Variants in CATSPERE observed in about 807,000 individuals in gnomAD.
The protein encoded by CATSPERE is catsper channel auxiliary subunit epsilon.
In CATSPERE, 93 loss-of-function variants were observed where a neutral mutation model predicts 114.1. The ratio of observed to expected loss-of-function variants is 0.81; its 90% CI spans 0.69 to 0.97. The LOEUF is 0.97. Ranked by LOEUF, CATSPERE falls within the 50% of genes least tolerant of loss-of-function variation. The probability of loss-of-function intolerance (pLI) is 0.00; values close to 1 mark genes in which losing one functional copy is unlikely to be tolerated. For missense variants in CATSPERE, 1,058 were observed against 1,131.6 expected, an observed-to-expected ratio of 0.93 and a Z score of 0.93; for synonymous variants, 341 against 384.1, an observed-to-expected ratio of 0.89 and a Z score of 1.31.
intron 9 of CATSPERE, among the ~76,000 whole-genome samples, chr1:244,559,522 G>A (rs562642065): frequency 6.6e-6 from 1 of 152,286 alleles, no homozygotes; most frequent in South Asian, 2.1e-4. Context: ...AGGAGGCAGA[G>A]GAGAAGGGAG....
chr1:244,557,561 AT>A (rs1163331708), intron 9 of CATSPERE, among the ~76,000 whole-genome samples: 21 of 81,650 alleles, frequency 2.6e-4, no homozygotes, highest in Non-Finnish European at 4.6e-4. Context: ...ATATATATAT[AT>A]ATATATATAT....
chr1:244,458,646 A>G (rs1226505528), upstream of CATSPERE, among the ~76,000 whole-genome samples: 1 of 152,240 alleles, frequency 6.6e-6, no homozygotes, highest in Admixed American at 6.5e-5. Context: ...AGCTTCTAAC[A>G]AGTGAGTAAA....
rs377459062 is a variant in CATSPERE at position 244,572,754 on chromosome 1, A to G, written c.1932A>G (p.Gly644=). The part of the protein sequence containing the change: ...SHEISFEAAF[G]YCTKTLTLTF... ...AGATTTCCTTTGAAGCTGCCTTTGG[A>G]TACTGCACCAAAACTCTGGTAAGCT... Residue 644 remains glycine (G), a synonymous_variant, in exon 11 of 22, where the codon GGA becomes GGG. Transcript: ENST00000366534. The G allele has an allele frequency of 1.0e-5, 16 of 1,590,856 alleles. No homozygotes were observed. The African/African-American group carries it at 2.0e-4, about 20-fold the overall frequency.
At chr1:244,476,577 A>G (rs1318848915) in intron 2 of CATSPERE, among the ~76,000 whole-genome samples, 1 of 152,186 alleles carries the variant, frequency 6.6e-6, no homozygotes, top group Admixed American at 6.5e-5. Flanking sequence ...GAAACGGTTT[A>G]CCACCAGTTA....
At chr1:244,581,888 T>G in intron 12 of CATSPERE, 34 bp downstream of exon 12, 1 of 930,682 alleles carries the variant, frequency 1.1e-6, no homozygotes, top group Non-Finnish European at 1.6e-6. Context: ...TTTCTCAGTA[T>G]CAAATATGCT....
intron 12 of CATSPERE, among the ~76,000 whole-genome samples, chr1:244,582,753 C>G (rs1023387078): frequency 1.3e-5 from 2 of 152,122 alleles, no homozygotes; most frequent in Non-Finnish European, 2.9e-5. Flanking sequence ...GTTTGACTAC[C>G]TGCTCTATGC....
intron 20 of CATSPERE, among the ~76,000 whole-genome samples, chr1:244,618,925 T>C (rs1341890769): frequency 6.6e-6 from 1 of 152,244 alleles, no homozygotes; most frequent in African/African-American, 2.4e-5. Context: ...AGAGATTCTA[T>C]TGATCTAACG....
At chr1:244,517,154 A>C (rs1052145915) in intron 7 of CATSPERE, among the ~76,000 whole-genome samples, 3 of 152,008 alleles carry the variant, frequency 2.0e-5, no homozygotes, top group Non-Finnish European at 2.9e-5. Context: ...TCTATGTGTT[A>C]GTTTTTTCCA....
chr1:244,496,155 G>A (rs1022278734), intron 6 of CATSPERE, among the ~76,000 whole-genome samples: 4 of 152,094 alleles, frequency 2.6e-5, no homozygotes, highest in Admixed American at 2.0e-4. Context: ...GAAACCAATC[G>A]TTTAAACTAA....
chr1:244,464,975 C>G (rs923603994), intron 2 of CATSPERE, among the ~76,000 whole-genome samples: 1 of 143,334 alleles, frequency 7.0e-6, no homozygotes, highest in African/African-American at 2.6e-5. Flanking sequence ...AAAAAAAAAG[C>G]TGAATTTTGA....
intron 8 of CATSPERE, among the ~76,000 whole-genome samples, chr1:244,522,409 A>G (rs1677721400): frequency 6.6e-6 from 1 of 152,216 alleles, no homozygotes; most frequent in African/African-American, 2.4e-5. Context: ...ACACCCTAAC[A>G]TCACAATTAA....
intron 5 of CATSPERE, among the ~76,000 whole-genome samples, chr1:244,481,519 C>T (rs886150746): frequency 2.6e-5 from 4 of 152,060 alleles, no homozygotes; most frequent in African/African-American, 9.7e-5. Flanking sequence ...AAAGGACCTG[C>T]CCCTTTGGCC....
intron 2 of CATSPERE, among the ~76,000 whole-genome samples, chr1:244,475,314 A>G (rs958337189): frequency 1.3e-5 from 2 of 149,912 alleles, no homozygotes; most frequent in African/African-American, 4.9e-5. Flanking sequence ...GCTCACTGCA[A>G]CCTCCTTCTC....
intron 1 of CATSPERE, among the ~76,000 whole-genome samples, chr1:244,455,262 C>T (rs572163064): frequency 1.3e-4 from 20 of 152,194 alleles, no homozygotes; most frequent in Non-Finnish European, 2.6e-4. Context: ...CGCGTCCCCC[C>T]GCTCCCATGA....
chr1:244,612,877 T>A (rs1367748261), intron 19 of CATSPERE, among the ~76,000 whole-genome samples: 1 of 152,004 alleles, frequency 6.6e-6, no homozygotes, highest in Admixed American at 6.6e-5. Flanking sequence ...GGCTTTCGCA[T>A]GAAAAAAGAT....
Position 244,568,324 on chromosome 1 carries a change from G to T in CATSPERE, c.1508-4006G>T, listed in dbSNP as rs1414717522. The stretch of plus-strand genomic sequence containing the variant: ...TCCAGTCAGGAGACACAGGGGTCAG[G>T]GACCCACTTGAGGAAGCCGTCTGTC... On this transcript the variant is annotated intron_variant, in intron 10 of 21. Coordinates refer to ENST00000366534, the MANE Select transcript of CATSPERE (RefSeq NM_001130957.2). The surrounding 1 kb of genome is among the most constrained non-coding windows in gnomAD (Gnocchi z 4.4). Among the ~76,000 whole-genome samples, 5 of 152,306 alleles carry T rather than the reference G, an allele frequency of 3.3e-5. No individual in the cohort carries two copies. The East Asian group carries it at 9.7e-4, about 29-fold the overall frequency.
At chr1:244,567,340 C>T (rs541310435) in intron 10 of CATSPERE, among the ~76,000 whole-genome samples, 3 of 152,084 alleles carry the variant, frequency 2.0e-5, no homozygotes, top group African/African-American at 7.2e-5. Context: ...TTGCTCTTCG[C>T]GAGGAGTATC....
chr1:244,625,386 TTTA>T (rs1459148616), intron 20 of CATSPERE, among the ~76,000 whole-genome samples: 4 of 108,970 alleles, frequency 3.7e-5, no homozygotes, highest in South Asian at 3.1e-4. Flanking sequence ...TTACTTTATT[TTTA>T]TTATTATTAT....
At chr1:244,596,998 T>G (rs898202063) in intron 17 of CATSPERE, among the ~76,000 whole-genome samples, 1 of 152,096 alleles carries the variant, frequency 6.6e-6, no homozygotes, top group Admixed American at 6.5e-5. Context: ...ACTGTCTGTG[T>G]ATCTGTCTAA....
Sources: gnomAD v4.1 joint callset for allele counts (sites outside exome capture counted in the v4.1 genomes callset) on GRCh38, gnomAD v4.1.1 for gene constraint, Gnocchi (gnomAD v3.1) non-coding constraint, MANE v1.5 for transcripts, NCBI Gene and HGNC (gene_info 2026-07-23, HGNC 2026-07-21) for gene names.